The following PPFIA2 variants were observed in gnomAD, a reference collection of about 807,000 sequenced individuals.
PPFIA2 encodes the protein PPFI scaffold protein A2.
In PPFIA2, 46 loss-of-function variants were observed where a neutral mutation model predicts 175.5. The observed-to-expected ratio is 0.26, with a 90% CI of 0.21 to 0.34. PPFIA2 has a LOEUF of 0.34. Ranked by LOEUF, PPFIA2 falls within the 10% of genes least tolerant of loss-of-function variation. The pLI, the probability that PPFIA2 is intolerant of heterozygous loss-of-function variation, is 1.00. For synonymous variants in PPFIA2, 568 were observed against 511.4 expected (o/e 1.11, Z -1.49); for missense variants, 1,179 against 1,506.1 (o/e 0.78, Z 3.60).
intron 4 of PPFIA2, among the ~76,000 whole-genome samples, chr12:81,536,574 C>A (rs1308777918): frequency 1.3e-5 from 2 of 150,204 alleles, no homozygotes; most frequent in Non-Finnish European, 3.0e-5. Flanking sequence ...TCAATTTATT[C>A]AATTTCCCAA....
chr12:81,648,972 T>A (rs924609347), intron 4 of PPFIA2, among the ~76,000 whole-genome samples: 1 of 151,790 alleles, frequency 6.6e-6, no homozygotes, highest in Admixed American at 6.6e-5. Context: ...CAAAAATTAA[T>A]CATTCACAGA....
chr12:81,492,924 A>G (rs2059572095), intron 4 of PPFIA2, among the ~76,000 whole-genome samples: 1 of 152,098 alleles, frequency 6.6e-6, no homozygotes, highest in African/African-American at 2.4e-5. Context: ...AGTGTTAGCT[A>G]TGGAAGTGAT....
intron 7 of PPFIA2, among the ~76,000 whole-genome samples, chr12:81,422,798 T>C (rs1332255932): frequency 2.6e-5 from 4 of 152,096 alleles, no homozygotes; most frequent in Non-Finnish European, 5.9e-5. Context: ...ATATCACCAC[T>C]CATTAGGCTC....
Position 81,391,424 on chromosome 12 carries a change from T to C in PPFIA2, c.763-7180A>G, listed in dbSNP as rs551147464. Among the ~76,000 whole-genome samples the C allele has an allele frequency of 5.9e-4, 89 of 152,020 alleles. 4 individuals carry two copies. The Middle Eastern group carries it at 0.051, about 87-fold the overall frequency. On this transcript the variant is annotated intron_variant, in intron 8 of 32. Coordinates refer to ENST00000549396, the MANE Select transcript of PPFIA2 (RefSeq NM_003625.5). Reference sequence around the variant, plus strand: ...CAGGGAAGGCCAGCATAGATTACGATGGCCTTTGTTTTTCCATACTGAATA... The same window carrying C: ...CAGGGAAGGCCAGCATAGATTACGACGGCCTTTGTTTTTCCATACTGAATA...
intron 3 of PPFIA2, among the ~76,000 whole-genome samples, chr12:81,728,979 C>T (rs1343629245): frequency 6.6e-6 from 1 of 151,378 alleles, no homozygotes; most frequent in Non-Finnish European, 1.5e-5. Flanking sequence ...AATAAAACCA[C>T]ATATTTATAC....
intron 3 of PPFIA2, among the ~76,000 whole-genome samples, chr12:81,721,070 C>A (rs1596802982): frequency 6.7e-6 from 1 of 148,634 alleles, no homozygotes; most frequent in Admixed American, 6.7e-5. Flanking sequence ...ATGATAGCGT[C>A]CTAGCTAAAA....
At chr12:81,540,778 C>T (rs2066084067) in intron 4 of PPFIA2, among the ~76,000 whole-genome samples, 1 of 151,594 alleles carries the variant, frequency 6.6e-6, no homozygotes, top group Non-Finnish European at 1.5e-5. Context: ...GCTATTTTGG[C>T]CTATTTAAAT....
chr12:81,513,906 T>C (rs2062088924), intron 4 of PPFIA2, among the ~76,000 whole-genome samples: 1 of 152,044 alleles, frequency 6.6e-6, no homozygotes, highest in Non-Finnish European at 1.5e-5. Flanking sequence ...GCCTGATTTA[T>C]AAATGATTTT....
intron 3 of PPFIA2, among the ~76,000 whole-genome samples, chr12:81,732,392 G>C (rs188638291): frequency 6.6e-6 from 1 of 151,510 alleles, no homozygotes; most frequent in African/African-American, 2.4e-5. Flanking sequence ...AAAGTCCAGT[G>C]TGGGGAAAAG....
chr12:81,484,743 T>C lies in PPFIA2; in HGVS notation c.304-26877A>G, dbSNP rs1013423119. ...TGGCATAATTTAAAACTTCATATGT[T>C]AAATATCTTTCATTAAAATAAAAAT... On this transcript the variant is annotated intron_variant, in intron 4 of 32. Transcript: ENST00000549396. Among the ~76,000 whole-genome samples the C allele has an allele frequency of 7.2e-5, 11 of 152,092 alleles. 1 individual carries two copies. The highest frequency in any genetic ancestry group is 2.6e-4 in the African/African-American group (11 of 41,550).
intron 4 of PPFIA2, among the ~76,000 whole-genome samples, chr12:81,675,915 C>G (rs1426428993): frequency 1.3e-5 from 2 of 151,978 alleles, no homozygotes; most frequent in Non-Finnish European, 2.9e-5. Context: ...TTAGGAGCAA[C>G]TTGATGAAAA....
intron 4 of PPFIA2, among the ~76,000 whole-genome samples, chr12:81,547,294 A>T (rs1353191827): frequency 6.6e-6 from 1 of 152,188 alleles, no homozygotes; most frequent in Non-Finnish European, 1.5e-5. Context: ...TCGAGCCTCA[A>T]TCTCTCAATC....
chr12:81,755,162 TAAAC>T (rs1403201820), intron 2 of PPFIA2, among the ~76,000 whole-genome samples: 9 of 152,314 alleles, frequency 5.9e-5, no homozygotes, highest in African/African-American at 1.7e-4. Context: ...AGTCATGAAA[TAAAC>T]GAACTGTTTT....
intron 4 of PPFIA2, among the ~76,000 whole-genome samples, chr12:81,642,528 G>C (rs1023455971): frequency 2.0e-5 from 3 of 149,430 alleles, no homozygotes; most frequent in African/African-American, 7.4e-5. Flanking sequence ...TTAGTACAGT[G>C]TTACAATAAG....
chr12:81,307,355 C>A (rs1157539866), intron 22 of PPFIA2, among the ~76,000 whole-genome samples: 1 of 152,158 alleles, frequency 6.6e-6, no homozygotes, highest in Non-Finnish European at 1.5e-5. Flanking sequence ...TGAATGACTG[C>A]TAAATTGTAA....
intron 7 of PPFIA2, chr12:81,431,138 C>A (rs1566797370): frequency 6.6e-6 from 1 of 152,178 alleles, no homozygotes; most frequent in East Asian, 1.9e-4. Flanking sequence ...TGTGGAAAGG[C>A]TTTTAAAATA....
At chr12:81,645,605 T>C (rs2065952179) in intron 4 of PPFIA2, among the ~76,000 whole-genome samples, 1 of 152,224 alleles carries the variant, frequency 6.6e-6, no homozygotes, top group Non-Finnish European at 1.5e-5. Context: ...TTCAGAAAGC[T>C]GAGTACTTAA....
intron 4 of PPFIA2, among the ~76,000 whole-genome samples, chr12:81,669,693 A>AC (rs1280664624): frequency 6.6e-6 from 1 of 151,958 alleles, no homozygotes; most frequent in Non-Finnish European, 1.5e-5. Context: ...ATTGTCCCTT[A>AC]CCAGTAATAA....
chr12:81,382,921 C>G (rs118185467), intron 9 of PPFIA2, among the ~76,000 whole-genome samples: 2 of 151,860 alleles, frequency 1.3e-5, no homozygotes, highest in Non-Finnish European at 2.9e-5. Context: ...ACTCCAAGGT[C>G]GGGGAGGAGA....
Sources: allele counts gnomAD v4.1 joint callset (sites outside exome capture counted in the v4.1 genomes callset), GRCh38; gene constraint gnomAD v4.1.1; transcripts MANE v1.5; gene names NCBI Gene and HGNC (gene_info 2026-07-23, HGNC 2026-07-21).